Variants in WIF1 observed in about 807,000 individuals in gnomAD.
The protein encoded by WIF1 is Wnt inhibitory factor 1.
In WIF1, 35 loss-of-function variants were observed where a neutral mutation model predicts 53.5. The observed-to-expected ratio is 0.65, with a 90% CI of 0.50 to 0.87. WIF1 has a LOEUF of 0.87. WIF1 is among the 40% of genes least tolerant of loss of function. The pLI is 0.00. For missense variants in WIF1, 467 were observed against 476.8 expected (o/e 0.98, Z 0.19); for synonymous variants, 171 against 170.4 (o/e 1.00, Z -0.03).
chr12:65,079,293 A>G, intron 2 of WIF1, among the ~76,000 whole-genome samples: 1 of 152,116 alleles, frequency 6.6e-6, no homozygotes, highest in East Asian at 1.9e-4. Flanking sequence ...CTTGAGAAAC[A>G]CAAATGAACA....
chr12:65,115,123 G>A (rs997778126), intron 2 of WIF1, among the ~76,000 whole-genome samples: 1 of 147,176 alleles, frequency 6.8e-6, no homozygotes, highest in Non-Finnish European at 1.5e-5. Flanking sequence ...TTGGTCACAA[G>A]GAGGTTGGAA....
At chr12:65,089,645 C>T (rs1344721928) in intron 2 of WIF1, among the ~76,000 whole-genome samples, 1 of 152,108 alleles carries the variant, frequency 6.6e-6, no homozygotes, top group Non-Finnish European at 1.5e-5. Context: ...TTAACTTAGC[C>T]ACCAGCCTCT....
intron 2 of WIF1, among the ~76,000 whole-genome samples, chr12:65,097,129 G>A (rs765494315): frequency 4.6e-5 from 7 of 150,640 alleles, no homozygotes; most frequent in Non-Finnish European, 8.9e-5. Flanking sequence ...GAAACTAAGA[G>A]CTCTGAAAAC....
At chr12:65,089,728 C>G (rs1473661430) in intron 2 of WIF1, among the ~76,000 whole-genome samples, 1 of 152,174 alleles carries the variant, frequency 6.6e-6, no homozygotes, top group Non-Finnish European at 1.5e-5. Flanking sequence ...CAGACTTTGA[C>G]TTACCTCTCC....
At chr12:65,094,059 A>G (rs1248738943) in intron 2 of WIF1, among the ~76,000 whole-genome samples, 1 of 152,206 alleles carries the variant, frequency 6.6e-6, no homozygotes, top group Non-Finnish European at 1.5e-5. Flanking sequence ...AGTCCTGCAT[A>G]ATACACATAT....
chr12:65,102,576 A>T (rs1484378195), intron 2 of WIF1, among the ~76,000 whole-genome samples: 1 of 152,222 alleles, frequency 6.6e-6, no homozygotes, highest in East Asian at 1.9e-4. Flanking sequence ...AGACACACAC[A>T]GAATAATGTA....
chr12:65,098,668 G>C (rs1013645823), intron 2 of WIF1, among the ~76,000 whole-genome samples: 1 of 152,094 alleles, frequency 6.6e-6, no homozygotes, highest in Non-Finnish European at 1.5e-5. Context: ...GTGTGTGTGT[G>C]TGTGTAATGG....
Position 65,094,123 on chromosome 12 carries a change from C to T in WIF1, c.289-16269G>A, listed in dbSNP as rs1883166302. Among the ~76,000 whole-genome samples, 2 of 152,154 alleles carry T rather than the reference C, an allele frequency of 1.3e-5. 1 individual carries two copies. The highest frequency in any genetic ancestry group is 4.1e-4 in the South Asian group (2 of 4,824). ...TCTTAAAAGGCTATGAAACTTTTCACAGCTACTGTCAGCCTTGAACTATTC... is the reference window on the plus strand; with the variant it reads ...TCTTAAAAGGCTATGAAACTTTTCATAGCTACTGTCAGCCTTGAACTATTC... On this transcript the variant is annotated intron_variant, in intron 2 of 9. Coordinates refer to ENST00000286574, the MANE Select transcript of WIF1 (RefSeq NM_007191.5).
intron 9 of WIF1, 37 bp from the exon 10 acceptor site, chr12:65,051,507 A>G (rs751009202): frequency 2.6e-6 from 4 of 1,534,854 alleles, no homozygotes; most frequent in South Asian, 2.5e-5. Context: ...GAAAGAAACT[A>G]CAAAACCAGG....
chr12:65,103,605 T>A (rs1392167977), intron 2 of WIF1, among the ~76,000 whole-genome samples: 3 of 152,232 alleles, frequency 2.0e-5, no homozygotes, highest in Admixed American at 6.5e-5. Context: ...CTGAACTAGA[T>A]CTTGAATATG....
rs186623499 is a variant in WIF1, at chr12:65,062,109, A to T, written c.826+372T>A. Reference sequence around the variant, plus strand: ...TGAGCGGCAGGGGAAACAGGTACATAGGTAAACAGATCCCAGCTGTCCCAG... The same window carrying T: ...TGAGCGGCAGGGGAAACAGGTACATTGGTAAACAGATCCCAGCTGTCCCAG... On this transcript the variant is annotated intron_variant, in intron 7 of 9. Transcript: ENST00000286574. 1.7e-3 allele frequency among the ~76,000 whole-genome samples: 259 copies of T among 152,316 alleles called. 2 individuals are homozygous for T. Among genetic ancestry groups the T allele is most frequent in the African/African-American group, 6.1e-3 (254 of 41,564 alleles).
At chr12:65,075,954 C>A (rs144009278) in intron 3 of WIF1, among the ~76,000 whole-genome samples, 1 of 152,072 alleles carries the variant, frequency 6.6e-6, no homozygotes, top group African/African-American at 2.4e-5. Flanking sequence ...CTAATAGATA[C>A]AAGAAAATAT....
In WIF1 at chr12:65,113,276, A is replaced by T. The variant is rs74099754; in HGVS notation, c.288+7141T>A. ...ACAGGATAAGGGACATTTTTGCTGA[A>T]CTCAGTCCTCAAAGTTTTTCCCTAA... On this transcript the variant is annotated intron_variant, in intron 2 of 9. Transcript: ENST00000286574. Among the ~76,000 whole-genome samples, 8 of 152,136 alleles carry T rather than the reference A, an allele frequency of 5.3e-5. No individual in the cohort carries two copies. The East Asian group carries it at 1.5e-3, about 29-fold the overall frequency.
intron 2 of WIF1, among the ~76,000 whole-genome samples, chr12:65,093,945 A>G (rs1315375464): frequency 6.6e-6 from 1 of 152,216 alleles, no homozygotes; most frequent in African/African-American, 2.4e-5. Flanking sequence ...ATCTCATGAA[A>G]GTATAATCAA....
intron 2 of WIF1, among the ~76,000 whole-genome samples, chr12:65,087,157 A>C (rs1285733103): frequency 6.6e-6 from 1 of 152,160 alleles, no homozygotes; most frequent in Non-Finnish European, 1.5e-5. Context: ...CGCGGGGGAA[A>C]AAATAAAACA....
intron 8 of WIF1, 79 bp from the exon 9 acceptor site, chr12:65,055,292 T>C (rs1882506373): frequency 6.9e-7 from 1 of 1,456,864 alleles, no homozygotes; most frequent in Non-Finnish European, 9.3e-7. Flanking sequence ...TTCCTTGCAA[T>C]TCTTTAGAAT....
chr12:65,113,262 G>A (rs1007695573), intron 2 of WIF1, among the ~76,000 whole-genome samples: 1 of 152,142 alleles, frequency 6.6e-6, no homozygotes, highest in African/African-American at 2.4e-5. Context: ...CAGGATAAGG[G>A]ACATTTTTGC....
intron 9 of WIF1, among the ~76,000 whole-genome samples, chr12:65,054,368 C>T (rs1449932636): frequency 6.6e-6 from 1 of 152,162 alleles, no homozygotes; most frequent in Non-Finnish European, 1.5e-5. Flanking sequence ...GCCCCTCCCA[C>T]TCCACAAGGC....
At chr12:65,109,554 C>T (rs1271476091) in intron 2 of WIF1, among the ~76,000 whole-genome samples, 1 of 152,214 alleles carries the variant, frequency 6.6e-6, no homozygotes, top group African/African-American at 2.4e-5. Flanking sequence ...CAGCTGGTGA[C>T]TTCCTGAAGC....
Sources: allele counts gnomAD v4.1 joint callset (sites outside exome capture counted in the v4.1 genomes callset), GRCh38; gene constraint gnomAD v4.1.1; transcripts MANE v1.5; gene names NCBI Gene and HGNC (gene_info 2026-07-23, HGNC 2026-07-21).